Variants in RASGEF1C observed in about 807,000 individuals in gnomAD.
RASGEF1C encodes the protein RasGEF domain family member 1C, also known as ras-GEF domain-containing family member 1C.
Under a neutral mutation model 58.1 loss-of-function variants are expected in RASGEF1C, and 27 were observed. The observed-to-expected ratio is 0.46, with a 90% CI of 0.34 to 0.64. RASGEF1C has a LOEUF of 0.64. Ranked by LOEUF, RASGEF1C falls within the 30% of genes least tolerant of loss-of-function variation. RASGEF1C has a pLI of 0.01. For missense variants in RASGEF1C, 502 were observed against 605.1 expected (o/e 0.83, Z 1.79); for synonymous variants, 243 against 246.3 (o/e 0.99, Z 0.13).
rs183557256 is a variant in RASGEF1C, at chr5:180,202,892, C to T, written c.-7+6136G>A. ...TAATTTTTTGTATTTTTAGTAGAGA[C>T]GGGGTTTCACCGTGTTAGCCAGGAT... On this transcript the variant is annotated intron_variant, in intron 1 of 13. Transcript: ENST00000361132. Among the ~76,000 whole-genome samples, 365 of 152,014 alleles carry T rather than the reference C, an allele frequency of 2.4e-3. 5 individuals are homozygous for T. The East Asian group carries it at 0.026, about 11-fold the overall frequency.
At chr5:180,193,615 CAA>C (rs1183527941) in intron 1 of RASGEF1C, among the ~76,000 whole-genome samples, 1 of 152,124 alleles carries the variant, frequency 6.6e-6, no homozygotes, top group Non-Finnish European at 1.5e-5. Context: ...AAATAAAAAC[CAA>C]CCAACCAAAC....
At chr5:180,171,784 C>T (rs573459774) in intron 1 of RASGEF1C, among the ~76,000 whole-genome samples, 47 of 152,256 alleles carry the variant, frequency 3.1e-4, no homozygotes, top group African/African-American at 1.1e-3. Flanking sequence ...TTTCTCCCTG[C>T]GGCTTCTGGG....
At chr5:180,147,525 C>T (rs1013248823) in intron 1 of RASGEF1C, among the ~76,000 whole-genome samples, 4 of 152,068 alleles carry the variant, frequency 2.6e-5, no homozygotes, top group South Asian at 2.1e-4. Context: ...TAAGTATTTT[C>T]GAATTTCCCT....
chr5:180,205,103 C>T (rs1440755301), intron 1 of RASGEF1C, among the ~76,000 whole-genome samples: 1 of 152,134 alleles, frequency 6.6e-6, no homozygotes, highest in Admixed American at 6.5e-5. Flanking sequence ...GCACGAGAAT[C>T]ACTTGAACCT....
intron 1 of RASGEF1C, among the ~76,000 whole-genome samples, chr5:180,190,414 T>C (rs183305581): frequency 0.045 from 6,506 of 143,502 alleles, 359 homozygotes; most frequent in African/African-American, 0.13. Context: ...GGCGTGAACC[T>C]GGGAGGCGGA....
At chr5:180,173,742 G>A (rs565840493) in intron 1 of RASGEF1C, among the ~76,000 whole-genome samples, 19 of 152,044 alleles carry the variant, frequency 1.2e-4, no homozygotes, top group East Asian at 7.8e-4. Context: ...GTGAAACCCC[G>A]TCTCTACTAA....
intron 4 of RASGEF1C, among the ~76,000 whole-genome samples, chr5:180,130,431 G>T (rs1490349159): frequency 1.3e-5 from 2 of 152,198 alleles, no homozygotes; most frequent in African/African-American, 4.8e-5. Context: ...GAGGGGCACG[G>T]TCAGTCCCCT....
intron 4 of RASGEF1C, among the ~76,000 whole-genome samples, chr5:180,132,531 A>G (rs1196369190): frequency 4.6e-5 from 7 of 152,224 alleles, no homozygotes; most frequent in African/African-American, 1.7e-4. Context: ...AGGTGGCAGA[A>G]AGCCGACGCA....
intron 13 of RASGEF1C, 74 bp from the exon 14 acceptor site, chr5:180,101,599 G>T: frequency 6.4e-7 from 1 of 1,570,794 alleles, no homozygotes. Flanking sequence ...CTCCAGCACA[G>T]CCACTTTCTC....
intron 1 of RASGEF1C, among the ~76,000 whole-genome samples, chr5:180,159,289 A>G (rs955847496): frequency 4.6e-5 from 7 of 151,738 alleles, no homozygotes; most frequent in African/African-American, 1.2e-4. Flanking sequence ...ACAGGCGTGC[A>G]CCACCACGCC....
chr5:180,113,391 C>T (rs1490831931), intron 11 of RASGEF1C, among the ~76,000 whole-genome samples: 7 of 47,182 alleles, frequency 1.5e-4, no homozygotes, highest in Non-Finnish European at 3.0e-4. Flanking sequence ...CGGGGATGGA[C>T]GGAGGGACCG....
At chr5:180,124,458 A>G (rs1766223457) in intron 6 of RASGEF1C, among the ~76,000 whole-genome samples, 1 of 152,194 alleles carries the variant, frequency 6.6e-6, no homozygotes, top group South Asian at 2.1e-4. Context: ...AAATCCAGGG[A>G]AGTGTGAAAA....
chr5:180,180,834 AAGC>A (rs1767312690), intron 1 of RASGEF1C, among the ~76,000 whole-genome samples: 1 of 152,220 alleles, frequency 6.6e-6, no homozygotes. Flanking sequence ...CCAGATTGAG[AAGC>A]AGAACATTTC....
chr5:180,115,577 G>A (rs998508719), intron 10 of RASGEF1C, among the ~76,000 whole-genome samples: 2 of 152,094 alleles, frequency 1.3e-5, no homozygotes, highest in African/African-American at 4.8e-5. Context: ...CCCCACTGCC[G>A]GCTGGGTTTA....
rs930474633 is a variant in RASGEF1C, at chr5:180,158,050, T to G, written c.-6-19992A>C. Among the ~76,000 whole-genome samples the G allele has an allele frequency of 6.6e-6, 1 of 152,154 alleles. No homozygotes were observed. Among genetic ancestry groups the G allele is most frequent in the Non-Finnish European group, 1.5e-5 (1 of 68,032 alleles). ...TCGATAATGGGGGAGGCTCTGCATG[T>G]GTGGAGGCAGGGGGATGTGGGAAAT... On this transcript the variant is annotated intron_variant, in intron 1 of 13. Coordinates refer to ENST00000361132, the MANE Select transcript of RASGEF1C (RefSeq NM_175062.4). This position sits in a 1 kb window ranked among gnomAD's most constrained non-coding sequence, Gnocchi z 4.0.
intron 6 of RASGEF1C, among the ~76,000 whole-genome samples, chr5:180,126,203 C>G (rs1488480788): frequency 1.3e-5 from 2 of 152,148 alleles, no homozygotes; most frequent in Non-Finnish European, 2.9e-5. Flanking sequence ...GTCAGGAGAT[C>G]GAGACCATCA....
At chr5:180,114,674 A>G (rs1188539317) in intron 10 of RASGEF1C, 133 bp from the exon 11 acceptor site, 4 of 739,230 alleles carry the variant, frequency 5.4e-6, no homozygotes, top group African/African-American at 1.8e-5. Flanking sequence ...AGGGCAGGGG[A>G]GACTTCCTGG....
At chr5:180,148,511 C>A (rs1766693414) in intron 1 of RASGEF1C, among the ~76,000 whole-genome samples, 1 of 151,640 alleles carries the variant, frequency 6.6e-6, no homozygotes, top group East Asian at 1.9e-4. Context: ...TAGCTACTTT[C>A]TTTGTGGCAA....
rs1018203680 is a variant in RASGEF1C, at chr5:180,198,303, A to G, written c.-7+10725T>C. Among the ~76,000 whole-genome samples the G allele has an allele frequency of 6.6e-6, 1 of 152,200 alleles. No homozygotes were observed. The highest frequency in any genetic ancestry group is 1.5e-5 in the Non-Finnish European group (1 of 68,042). ...CATGTCGGGTGCCCAAGAAGGGAAGAAAGTGAAGGCATACTGGACGCCTGC... is the reference window on the plus strand; with the variant it reads ...CATGTCGGGTGCCCAAGAAGGGAAGGAAGTGAAGGCATACTGGACGCCTGC... On this transcript the variant is annotated intron_variant, in intron 1 of 13. Transcript: ENST00000361132. This position sits in a 1 kb window ranked among gnomAD's most constrained non-coding sequence, Gnocchi z 4.5.
Sources: allele counts gnomAD v4.1 joint callset (sites outside exome capture counted in the v4.1 genomes callset), GRCh38; gene constraint gnomAD v4.1.1; non-coding constraint Gnocchi (gnomAD v3.1); transcripts MANE v1.5; gene names NCBI Gene and HGNC (gene_info 2026-07-23, HGNC 2026-07-21).